SLF1: variants seen among roughly 807,000 people sequenced by gnomAD.
The protein encoded by SLF1 is SMC5/6 complex localization factor 1, also known as SMC5-SMC6 complex localization factor protein 1.
A neutral mutation model predicts 123.0 loss-of-function variants in SLF1; 105 were observed. The observed-to-expected ratio is 0.85, with a 90% CI of 0.73 to 1.00. The LOEUF is 1.00. Among genes scored for constraint, SLF1 ranks in the 50% least tolerant of loss-of-function variants. SLF1 has a pLI of 0.00. For synonymous variants in SLF1, 434 were observed against 406.6 expected, an observed-to-expected ratio of 1.07 and a Z score of -0.81; for missense variants, 1,239 against 1,223.0, an observed-to-expected ratio of 1.01 and a Z score of -0.20.
chr5:94,638,107 G>A (rs1296385574), intron 4 of SLF1, among the ~76,000 whole-genome samples: 1 of 151,910 alleles, frequency 6.6e-6, no homozygotes, highest in Non-Finnish European at 1.5e-5. Flanking sequence ...CAGGTATGTT[G>A]CGCTACCACC....
chr5:94,670,791 T>G (rs1450125251), intron 13 of SLF1, 52 bp from the exon 14 acceptor site: 2 of 1,351,704 alleles, frequency 1.5e-6, no homozygotes, highest in African/African-American at 2.9e-5. Context: ...GTCAAGTAAT[T>G]GTCATGATCA....
rs943377073 is a variant in SLF1, at chr5:94,679,386, G to C, written c.1975+431G>C. ...AGGTGGGAGGATCTCTTGAGCCCAG[G>C]AGTTTGAGACCAGCATGTGCAACAT... On this transcript the variant is annotated intron_variant, in intron 15 of 20. Coordinates refer to ENST00000265140, the MANE Select transcript of SLF1 (RefSeq NM_032290.4). Among the ~76,000 whole-genome samples, 5 of 152,048 alleles carry C rather than the reference G, an allele frequency of 3.3e-5. 1 individual carries two copies. The East Asian group carries it at 9.6e-4, about 29-fold the overall frequency.
At chr5:94,660,674 A>G (rs1051508976) in intron 9 of SLF1, among the ~76,000 whole-genome samples, 1 of 152,138 alleles carries the variant, frequency 6.6e-6, no homozygotes, top group Non-Finnish European at 1.5e-5. Context: ...GAGTGGATCT[A>G]TCTGTAAGCC....
chr5:94,630,471 C>T lies in SLF1; in HGVS notation c.191-32C>T, dbSNP rs752171490. On this transcript the variant is annotated intron_variant, in intron 3 of 20. Coordinates refer to ENST00000265140, the MANE Select transcript of SLF1 (RefSeq NM_032290.4). ...TTTATCATTTATCAGAACCAAAATTCCTTTGTGACTGACAGCTCATTTGCT... is the reference window on the plus strand; with the variant it reads ...TTTATCATTTATCAGAACCAAAATTTCTTTGTGACTGACAGCTCATTTGCT... 5 of 1,524,846 alleles carry T rather than the reference C, an allele frequency of 3.3e-6. No individual in the cohort carries two copies. The South Asian group carries it at 3.7e-5, about 11-fold the overall frequency. The allele number at this position is 1,524,846 out of a possible 1,614,324, so 94.5% of individuals were successfully genotyped here. A position where few individuals can be genotyped will look rare whatever the true frequency, so the allele number is the denominator to read the frequency against.
intron 12 of SLF1, among the ~76,000 whole-genome samples, chr5:94,668,995 G>A (rs775697843): frequency 6.6e-6 from 1 of 152,076 alleles, no homozygotes; most frequent in Non-Finnish European, 1.5e-5. Flanking sequence ...ACTTAATAAA[G>A]GTTTGGATGA....
rs1751063943 is a variant in SLF1 at position 94,676,409 on chromosome 5, T to C, written c.1828-2399T>C. Among the ~76,000 whole-genome samples the C allele has an allele frequency of 1.3e-5, 2 of 152,122 alleles. 1 individual carries two copies. Among genetic ancestry groups the C allele is most frequent in the South Asian group, 4.1e-4 (2 of 4,830 alleles). ...CCAGGGGAGGTGTTGGTGCTACTGA[T>C]GTGGTCAGACCTGCTGCTGGTTTCC... is the stretch of plus-strand genomic sequence containing the variant. On this transcript the variant is annotated intron_variant, in intron 14 of 20. Coordinates refer to ENST00000265140, the MANE Select transcript of SLF1 (RefSeq NM_032290.4).
chr5:94,648,387 G>A (rs56824518), intron 5 of SLF1, among the ~76,000 whole-genome samples: 33,865 of 152,050 alleles, frequency 0.22, 3,902 homozygotes, highest in East Asian at 0.34. Flanking sequence ...TAAAGATCAC[G>A]TTAAAGGCCT....
intron 12 of SLF1, among the ~76,000 whole-genome samples, 170 bp from the exon 13 acceptor site, chr5:94,669,981 A>G (rs1472611201): frequency 1.3e-5 from 2 of 151,976 alleles, no homozygotes; most frequent in African/African-American, 2.4e-5. Flanking sequence ...GATATTTGAC[A>G]TTGTTTAATT....
chr5:94,678,708 A>G (rs1275255226), intron 14 of SLF1, 100 bp from the exon 15 acceptor site: 1 of 1,055,520 alleles, frequency 9.5e-7, no homozygotes, highest in African/African-American at 1.6e-5. Flanking sequence ...TGTATTTTTA[A>G]ATAGCTATGT....
chr5:94,636,438 T>C (rs1437474096), intron 4 of SLF1, among the ~76,000 whole-genome samples: 2 of 152,112 alleles, frequency 1.3e-5, no homozygotes, highest in African/African-American at 2.4e-5. Flanking sequence ...TCCCATAGGC[T>C]TTCTTCATCC....
At chr5:94,664,460 A>G (rs1585181313) in intron 11 of SLF1, among the ~76,000 whole-genome samples, 1 of 152,142 alleles carries the variant, frequency 6.6e-6, no homozygotes, top group Admixed American at 6.5e-5. Context: ...ATGCCTGGCT[A>G]ATTTTTAAAT....
intron 9 of SLF1, among the ~76,000 whole-genome samples, chr5:94,661,797 A>G (rs915535277): frequency 2.0e-5 from 3 of 152,162 alleles, no homozygotes; most frequent in Admixed American, 6.5e-5. Context: ...TTGGCCTTCC[A>G]AAGTGCTGGG....
intron 7 of SLF1, among the ~76,000 whole-genome samples, chr5:94,652,770 G>A (rs542694858): frequency 1.4e-3 from 215 of 152,250 alleles, no homozygotes; most frequent in Non-Finnish European, 2.4e-3. Context: ...AACTATACTA[G>A]GCAGTGTCCG....
intron 4 of SLF1, among the ~76,000 whole-genome samples, chr5:94,634,767 A>G (rs1234908519): frequency 1.3e-5 from 2 of 152,152 alleles, no homozygotes; most frequent in Non-Finnish European, 2.9e-5. Context: ...TTCTGACAGA[A>G]CTGAGATGTA....
chr5:94,669,344 G>A (rs757448425), intron 12 of SLF1, among the ~76,000 whole-genome samples: 35 of 152,068 alleles, frequency 2.3e-4, no homozygotes, highest in Non-Finnish European at 2.2e-4. Flanking sequence ...AGAAGACAGC[G>A]GAAGTGGAGA....
chr5:94,646,815 A>G (rs1172434769), intron 5 of SLF1, among the ~76,000 whole-genome samples: 1 of 152,212 alleles, frequency 6.6e-6, no homozygotes, highest in East Asian at 1.9e-4. Flanking sequence ...CTTTGTGTGT[A>G]GAAGCTAATA....
Position 94,651,720 on chromosome 5 carries a change from GA to G in SLF1, c.759del (p.Asp254MetfsTer8). ...CACGCAGAAAGAAATGCAAAATCAT[GA>G]AGATGTTAATGTTGGTTCTATTTTG... ...YRTQKEMQNH[E>X]DVNVGSILIQ... On this transcript the variant is annotated frameshift_variant, in exon 7 of 21. Coordinates refer to ENST00000265140, the MANE Select transcript of SLF1 (RefSeq NM_032290.4). LOFTEE classifies it high-confidence loss of function. 6.6e-7 allele frequency: 1 copy of G among 1,520,634 alleles called. No homozygotes were observed. 94.2% of individuals were successfully genotyped at this position (1,520,634 alleles called of 1,614,324 possible).
Position 94,630,736 on chromosome 5 carries a change from C to A in SLF1, c.424C>A (p.Leu142Ile). The change falls in exon 4 of 21, where the codon CTT (leucine) becomes ATT (isoleucine). Residue 142 changes from leucine to isoleucine, a missense_variant. Coordinates refer to ENST00000265140, the MANE Select transcript of SLF1 (RefSeq NM_032290.4). ...LVRTDKRSDS[L>I]IRVLEAGKAN... ...TAGAACTGATAAGCGAAGTGATTCT[C>A]TTATAAGGTAGGATGTGATTACATA... is the stretch of plus-strand genomic sequence containing the variant. 6.4e-7 allele frequency: 1 copy of A among 1,550,792 alleles called. No individual in the cohort carries two copies. Among genetic ancestry groups the A allele is most frequent in the Non-Finnish European group, 8.7e-7 (1 of 1,146,442 alleles).
chr5:94,667,636 T>C (rs1026589493), intron 12 of SLF1, among the ~76,000 whole-genome samples: 1 of 152,250 alleles, frequency 6.6e-6, no homozygotes, highest in Non-Finnish European at 1.5e-5. Flanking sequence ...TTAGCCCTTA[T>C]ATATGTCTCA....
Sources: allele counts gnomAD v4.1 joint callset (sites outside exome capture counted in the v4.1 genomes callset), GRCh38; gene constraint gnomAD v4.1.1; transcripts MANE v1.5; gene names NCBI Gene and HGNC (gene_info 2026-07-23, HGNC 2026-07-21).